Variants in KCNH5 observed in about 807,000 individuals in gnomAD.
KCNH5 encodes the protein voltage-gated delayed rectifier potassium channel KCNH5.
KCNH5 carries 46 observed loss-of-function variants against 96.1 expected under a neutral mutation model. That is an observed-to-expected ratio of 0.48 (90% CI 0.38 to 0.61). The LOEUF (loss-of-function observed/expected upper bound fraction) is 0.61, where lower values mean the gene tolerates loss of function less well. Among genes scored for constraint, KCNH5 ranks in the 20% least tolerant of loss-of-function variants. KCNH5 has a pLI of 0.00. For missense variants in KCNH5, 907 were observed against 1,225.8 expected (o/e 0.74, Z 3.88); for synonymous variants, 439 against 449.8 (o/e 0.98, Z 0.30).
intron 6 of KCNH5, among the ~76,000 whole-genome samples, chr14:62,957,974 G>A (rs944397186): frequency 6.6e-6 from 1 of 152,110 alleles, no homozygotes; most frequent in African/African-American, 2.4e-5. Context: ...TGACATGCAG[G>A]AAAAAAGATA....
rs1055038589 is a variant in KCNH5 at position 62,708,027 on chromosome 14, A to T, written c.2448T>A (p.Asn816Lys). The change falls in exon 11 of 11, where the codon AAT becomes AAA. Residue 816 changes from asparagine (N) to lysine (K), a missense_variant. This residue lies in a region of KCNH5 where 362 missense variants were observed against 394.4 expected (regional missense o/e 0.92). Coordinates refer to ENST00000322893, the MANE Select transcript of KCNH5 (RefSeq NM_139318.5). ...GNGKGWLRLK[N>K]NMGAHEEKKE... ...TTTTCTCCTCATGGGCTCCCATATTATTCTTGAGTCGCAGCCACCCTTTTC... is the reference window on the plus strand; with the variant it reads ...TTTTCTCCTCATGGGCTCCCATATTTTTCTTGAGTCGCAGCCACCCTTTTC... The T allele has an allele frequency of 3.0e-5, 49 of 1,614,008 alleles. No homozygotes were observed. Among genetic ancestry groups the T allele is most frequent in the Non-Finnish European group, 4.0e-5 (47 of 1,180,044 alleles).
rs763607260 is a variant in KCNH5, at chr14:62,708,445, C to T, written c.2030G>A (p.Arg677His). ...CTCTTTCTTCACATCACTGATCTTA[C>T]GAAAGATGATCTGTGGAACGGGAGA... is the stretch of plus-strand genomic sequence containing the variant. ...TCNLRKRIIF[R>H]KISDVKKEEE... Residue 677 changes from arginine to histidine, a missense_variant, in exon 11 of 11, where the codon CGT becomes CAT. Arg to His is a conservative substitution (Grantham distance 29, BLOSUM62 0). Coordinates refer to ENST00000322893, the MANE Select transcript of KCNH5 (RefSeq NM_139318.5). The T allele has an allele frequency of 5.7e-6, 9 of 1,589,744 alleles. No homozygotes were observed. Among genetic ancestry groups the T allele is most frequent in the African/African-American group, 2.7e-5 (2 of 74,498 alleles).
intron 4 of KCNH5, among the ~76,000 whole-genome samples, chr14:62,987,502 T>C (rs1178097127): frequency 2.6e-5 from 4 of 152,318 alleles, no homozygotes; most frequent in South Asian, 4.1e-4. Flanking sequence ...TACTGGGAAA[T>C]AGCTGTCCAA....
chr14:62,766,905 C>T (rs1885873179), intron 10 of KCNH5, among the ~76,000 whole-genome samples: 2 of 152,072 alleles, frequency 1.3e-5, no homozygotes, highest in African/African-American at 4.8e-5. Flanking sequence ...ATGATTATTT[C>T]ACATTGCATG....
At chr14:62,947,816 A>T (rs1467093069) in intron 7 of KCNH5, among the ~76,000 whole-genome samples, 1 of 151,576 alleles carries the variant, frequency 6.6e-6, no homozygotes, top group East Asian at 1.9e-4. Flanking sequence ...TTTTTTATTT[A>T]TTTATTTATT....
chr14:62,830,177 C>T (rs1177321099), intron 8 of KCNH5, among the ~76,000 whole-genome samples: 1 of 152,188 alleles, frequency 6.6e-6, no homozygotes, highest in Non-Finnish European at 1.5e-5. Flanking sequence ...ATTTCATTGT[C>T]GATATCACTG....
At chr14:63,025,172 A>C (rs967325508) in intron 1 of KCNH5, among the ~76,000 whole-genome samples, 3 of 152,152 alleles carry the variant, frequency 2.0e-5, no homozygotes, top group African/African-American at 7.2e-5. Context: ...AGGCATTTGA[A>C]AAATTCAACA....
At chr14:62,876,716 G>A (rs1323215514) in intron 7 of KCNH5, among the ~76,000 whole-genome samples, 1 of 152,144 alleles carries the variant, frequency 6.6e-6, no homozygotes, top group Non-Finnish European at 1.5e-5. Context: ...ACAGGGTATT[G>A]CCATAAGGGT....
At chr14:62,718,909 A>T (rs1884745898) in intron 10 of KCNH5, among the ~76,000 whole-genome samples, 1 of 152,234 alleles carries the variant, frequency 6.6e-6, no homozygotes, top group South Asian at 2.1e-4. Context: ...AATGCAATGT[A>T]GAGAAACCTG....
At chr14:62,922,531 T>C (rs766910275) in intron 7 of KCNH5, among the ~76,000 whole-genome samples, 7 of 151,972 alleles carry the variant, frequency 4.6e-5, no homozygotes, top group Admixed American at 1.3e-4. Flanking sequence ...CTGATGAACA[T>C]AGATGCAAAA....
chr14:63,017,083 A>G, intron 1 of KCNH5, 129 bp from the exon 2 acceptor site: 1 of 860,012 alleles, frequency 1.2e-6, no homozygotes, highest in Non-Finnish European at 1.7e-6. Context: ...TACAAATAAT[A>G]TAACCTGTTC....
chr14:62,738,770 C>T (rs924488470), intron 10 of KCNH5, among the ~76,000 whole-genome samples: 1 of 152,104 alleles, frequency 6.6e-6, no homozygotes, highest in African/African-American at 2.4e-5. Context: ...TAAAACATGT[C>T]TCTTGTTTAT....
intron 3 of KCNH5, among the ~76,000 whole-genome samples, chr14:63,005,920 A>T (rs1891116537): frequency 6.6e-6 from 1 of 152,204 alleles, no homozygotes; most frequent in Admixed American, 6.5e-5. Context: ...GCAAAAGGCC[A>T]TATTGGTAGA....
chr14:62,951,528 C>T lies in KCNH5; in HGVS notation c.943-969G>A, dbSNP rs560253688. Among the ~76,000 whole-genome samples, 98 of 152,230 alleles carry T rather than the reference C, an allele frequency of 6.4e-4. 1 individual carries two copies. The highest frequency in any genetic ancestry group is 2.3e-3 in the African/African-American group (95 of 41,548). ...GACTTCCTTACTGCTAACCCTGTCTCCCAGAATGTAGACAAGGAATCTAAT... is the reference window on the plus strand; with the variant it reads ...GACTTCCTTACTGCTAACCCTGTCTTCCAGAATGTAGACAAGGAATCTAAT... On this transcript the variant is annotated intron_variant, in intron 6 of 10. Transcript: ENST00000322893.
intron 7 of KCNH5, among the ~76,000 whole-genome samples, chr14:62,922,745 T>A (rs1400026502): frequency 1.3e-5 from 2 of 151,896 alleles, no homozygotes; most frequent in Non-Finnish European, 2.9e-5. Context: ...ACATTTGACA[T>A]ATTTATTGAT....
rs112188022 is a variant in KCNH5, at chr14:63,006,126, C to A, written c.304+240G>T. On this transcript the variant is annotated intron_variant, in intron 3 of 10. Transcript: ENST00000322893. ...GTATTAATTACAAAATATTTTGCTG[C>A]CTGATACAAAAGTCATATTAAGATG... is the stretch of plus-strand genomic sequence containing the variant. 2.4e-3 allele frequency among the ~76,000 whole-genome samples: 359 copies of A among 152,170 alleles called. 2 individuals are homozygous for A. The highest frequency in any genetic ancestry group is 8.2e-3 in the African/African-American group (342 of 41,506).
At position 62,981,916 on chromosome 14, in the gene KCNH5, T is replaced by A. The variant is rs867094596; in HGVS notation, c.550-652A>T. ...CTGTATACCAATTCAAATGGAAAAA[T>A]TTTAGTGTAAGTTTATATGAACCTT... On this transcript the variant is annotated intron_variant, in intron 5 of 10. Coordinates refer to ENST00000322893, the MANE Select transcript of KCNH5 (RefSeq NM_139318.5). Among the ~76,000 whole-genome samples the A allele has an allele frequency of 4.6e-5, 7 of 152,258 alleles. 1 individual carries two copies. The highest frequency in any genetic ancestry group is 6.8e-3 in the Middle Eastern group (2 of 294).
chr14:62,927,492 A>T (rs1566710858), intron 7 of KCNH5, among the ~76,000 whole-genome samples: 1 of 152,170 alleles, frequency 6.6e-6, no homozygotes, highest in Non-Finnish European at 1.5e-5. Flanking sequence ...CCAAGTGTCC[A>T]TCAACAGATG....
chr14:62,797,959 A>T (rs1176273509), intron 9 of KCNH5, among the ~76,000 whole-genome samples: 4 of 152,052 alleles, frequency 2.6e-5, no homozygotes, highest in African/African-American at 9.7e-5. Context: ...TCAAGTGATT[A>T]GCCCACCTCA....
Sources: gnomAD v4.1 joint callset for allele counts (sites outside exome capture counted in the v4.1 genomes callset) on GRCh38, gnomAD v4.1.1 for gene constraint, gnomAD v4.1.1 regional missense constraint, MANE v1.5 for transcripts, NCBI Gene and HGNC (gene_info 2026-07-23, HGNC 2026-07-21) for gene names.